RORA: variants seen among roughly 807,000 people sequenced by gnomAD.
RORA encodes RAR related orphan receptor A, also known as nuclear receptor ROR-alpha.
Under a neutral mutation model 69.5 loss-of-function variants are expected in RORA, and 7 were observed. The observed-to-expected ratio is 0.10, with a 90% CI of 0.06 to 0.19. The LOEUF (loss-of-function observed/expected upper bound fraction) is 0.19, where lower values mean the gene tolerates loss of function less well. RORA is among the 10% of genes least tolerant of loss of function. The pLI is 1.00. For synonymous variants in RORA, 261 were observed against 240.8 expected (o/e 1.08, Z -0.78); for missense variants, 457 against 663.0 (o/e 0.69, Z 3.41).
chr15:61,142,498 T>C (rs2079309237), intron 1 of RORA, among the ~76,000 whole-genome samples: 1 of 152,160 alleles, frequency 6.6e-6, no homozygotes, highest in Non-Finnish European at 1.5e-5. Flanking sequence ...AAGAAAACTT[T>C]TAAGTTATTT....
intron 1 of RORA, among the ~76,000 whole-genome samples, chr15:61,183,382 A>C (rs1043735369): frequency 2.6e-5 from 4 of 152,178 alleles, no homozygotes; most frequent in Non-Finnish European, 5.9e-5. Context: ...TAAAAATACA[A>C]AAATTAGCTG....
intron 1 of RORA, among the ~76,000 whole-genome samples, chr15:60,955,770 T>C (rs1001701579): frequency 6.6e-6 from 1 of 152,226 alleles, no homozygotes; most frequent in Non-Finnish European, 1.5e-5. Flanking sequence ...ACAAGAATGC[T>C]GACTTCCAAT....
At chr15:61,083,072 C>T (rs926653942) in intron 1 of RORA, among the ~76,000 whole-genome samples, 1 of 152,310 alleles carries the variant, frequency 6.6e-6, no homozygotes, top group East Asian at 1.9e-4. Context: ...ACCACAAAAG[C>T]GTCCCTCTCA....
At chr15:60,528,547 G>C (rs965227614) in intron 3 of RORA, 3 of 152,172 alleles carry the variant, frequency 2.0e-5, no homozygotes, top group African/African-American at 7.2e-5. Flanking sequence ...TTGGTCCCAA[G>C]GGAGTGCTCA....
intron 1 of RORA, among the ~76,000 whole-genome samples, chr15:60,747,366 C>G (rs949301963): frequency 6.6e-6 from 1 of 152,108 alleles, no homozygotes; most frequent in African/African-American, 2.4e-5. Context: ...TGGGAGTGTA[C>G]AGATGAACTT....
intron 1 of RORA, among the ~76,000 whole-genome samples, chr15:60,965,285 A>G (rs1435536637): frequency 6.6e-6 from 1 of 152,004 alleles, no homozygotes; most frequent in Non-Finnish European, 1.5e-5. Flanking sequence ...ATTTTTCAAT[A>G]CCCTGTCATA....
At chr15:61,109,196 A>T (rs1209448736) in intron 1 of RORA, among the ~76,000 whole-genome samples, 1 of 152,186 alleles carries the variant, frequency 6.6e-6, no homozygotes, top group African/African-American at 2.4e-5. Flanking sequence ...CTTCCTCTCA[A>T]AAAAATAAAT....
intron 1 of RORA, among the ~76,000 whole-genome samples, chr15:60,998,299 G>C (rs558762661): frequency 2.6e-5 from 4 of 151,864 alleles, no homozygotes; most frequent in Non-Finnish European, 5.9e-5. Flanking sequence ...GAGTAGCTGC[G>C]ACTACAGGCA....
At chr15:60,731,750 G>T (rs1363958106) in intron 1 of RORA, among the ~76,000 whole-genome samples, 1 of 152,186 alleles carries the variant, frequency 6.6e-6, no homozygotes, top group Non-Finnish European at 1.5e-5. Flanking sequence ...CCAGTTGACT[G>T]CTGTTAGTGC....
chr15:60,883,974 G>C (rs147624610), intron 1 of RORA, among the ~76,000 whole-genome samples: 6 of 152,228 alleles, frequency 3.9e-5, no homozygotes, highest in Middle Eastern at 3.4e-3. Context: ...TCTCTGATTT[G>C]AGCTTTTCTC....
Position 60,527,489 on chromosome 15 carries a change from C to T in RORA, c.282+4277G>A, listed in dbSNP as rs574518948. On this transcript the variant is annotated intron_variant, in intron 3 of 10. Transcript: ENST00000335670. ...TGTGCTGGCATGGGGCACGACCTGC[C>T]CCTCCTTCCTGGCAGGCCTGCCCCA... 3.4e-3 allele frequency among the ~76,000 whole-genome samples: 525 copies of T among 152,310 alleles called. 5 individuals are homozygous for T. The highest frequency in any genetic ancestry group is 0.012 in the African/African-American group (504 of 41,566).
At chr15:60,778,334 C>A (rs1286559076) in intron 1 of RORA, among the ~76,000 whole-genome samples, 1 of 151,350 alleles carries the variant, frequency 6.6e-6, no homozygotes. Context: ...ACCTGCCTTT[C>A]TTTCCCTGTT....
At chr15:61,060,770 C>A (rs1286960461) in intron 1 of RORA, among the ~76,000 whole-genome samples, 1 of 152,156 alleles carries the variant, frequency 6.6e-6, no homozygotes, top group Non-Finnish European at 1.5e-5. Flanking sequence ...CTTTCGGCTT[C>A]CCTGTACCCC....
intron 1 of RORA, among the ~76,000 whole-genome samples, chr15:61,190,910 C>T (rs2079792984): frequency 6.6e-6 from 1 of 151,822 alleles, no homozygotes; most frequent in South Asian, 2.1e-4. Context: ...CTCATTTTCC[C>T]ACTGGCTTTC....
intron 1 of RORA, among the ~76,000 whole-genome samples, chr15:60,908,409 C>A (rs1038749181): frequency 6.6e-6 from 1 of 152,092 alleles, no homozygotes; most frequent in Admixed American, 6.5e-5. Context: ...CCTATTTTCC[C>A]CCCTCCATGG....
At chr15:60,684,581 C>T (rs913706992) in intron 1 of RORA, among the ~76,000 whole-genome samples, 2 of 152,194 alleles carry the variant, frequency 1.3e-5, no homozygotes, top group Admixed American at 6.5e-5. Flanking sequence ...CACGCCACTG[C>T]ACTCCAGCCT....
At chr15:60,584,220 C>G (rs2068267756) in intron 2 of RORA, among the ~76,000 whole-genome samples, 1 of 152,194 alleles carries the variant, frequency 6.6e-6, no homozygotes, top group South Asian at 2.1e-4. Flanking sequence ...GAATCAAACT[C>G]TGTGTGAGAC....
intron 1 of RORA, among the ~76,000 whole-genome samples, chr15:61,035,560 C>G (rs935218122): frequency 6.6e-6 from 1 of 152,136 alleles, no homozygotes; most frequent in Non-Finnish European, 1.5e-5. Context: ...AGGTTGTGGG[C>G]CCCTGGGCAA....
At chr15:60,946,147 C>T (rs115040165) in intron 1 of RORA, among the ~76,000 whole-genome samples, 1 of 152,056 alleles carries the variant, frequency 6.6e-6, no homozygotes, top group Non-Finnish European at 1.5e-5. Context: ...AGGGTGATTC[C>T]GCACAGCGTC....
Sources: allele counts gnomAD v4.1 joint callset (sites outside exome capture counted in the v4.1 genomes callset), GRCh38; gene constraint gnomAD v4.1.1; transcripts MANE v1.5; gene names NCBI Gene and HGNC (gene_info 2026-07-23, HGNC 2026-07-21).